The following CSMD1 variants were observed in gnomAD, a reference collection of about 807,000 sequenced individuals.
CSMD1 encodes CUB and sushi domain-containing protein 1.
Under a neutral mutation model 417.5 loss-of-function variants are expected in CSMD1, and 213 were observed. That is an observed-to-expected ratio of 0.51 (90% CI 0.46 to 0.57). The LOEUF (loss-of-function observed/expected upper bound fraction) is 0.57, where lower values mean the gene tolerates loss of function less well. CSMD1 is among the 20% of genes least tolerant of loss of function. The pLI is 0.00. For missense variants in CSMD1, 6,923 were observed against 4,529.7 expected, an observed-to-expected ratio of 1.53 and a Z score of -15.17; for synonymous variants, 2,862 against 1,736.8, an observed-to-expected ratio of 1.65 and a Z score of -16.11.
At chr8:4,097,263 A>G (rs1469063565) in intron 3 of CSMD1, among the ~76,000 whole-genome samples, 1 of 152,156 alleles carries the variant, frequency 6.6e-6, no homozygotes, top group East Asian at 1.9e-4. Context: ...AAATCAGAAA[A>G]CTAGATTACA....
intron 12 of CSMD1, among the ~76,000 whole-genome samples, chr8:3,446,002 A>G (rs908601548): frequency 2.0e-5 from 3 of 152,208 alleles, no homozygotes; most frequent in East Asian, 3.9e-4. Flanking sequence ...AATGTAATGG[A>G]AAGTCAAAAA....
chr8:4,251,893 G>C (rs905765), intron 3 of CSMD1, among the ~76,000 whole-genome samples: 27,596 of 147,122 alleles, frequency 0.19, 3,421 homozygotes, highest in East Asian at 0.51. Context: ...GGGAAGGGAG[G>C]GGAGGGGAGG....
intron 54 of CSMD1, among the ~76,000 whole-genome samples, chr8:2,991,048 T>G (rs956320839): frequency 2.0e-5 from 3 of 152,218 alleles, no homozygotes; most frequent in Non-Finnish European, 4.4e-5. Context: ...CCAATTCAGA[T>G]AAACTTGGGC....
chr8:3,671,460 TACACATATAATC>T (rs1487676565), intron 7 of CSMD1, among the ~76,000 whole-genome samples: 17 of 140,768 alleles, frequency 1.2e-4, no homozygotes, highest in African/African-American at 3.7e-4. Context: ...TATATAATCA[TACACATATAATC>T]ATATATATAC....
chr8:2,982,499 C>T (rs879293592), intron 54 of CSMD1, among the ~76,000 whole-genome samples: 16 of 152,280 alleles, frequency 1.1e-4, no homozygotes, highest in Middle Eastern at 3.4e-3. Context: ...GTACTGATCG[C>T]CTGATGAAGG....
At position 3,745,499 on chromosome 8, in the gene CSMD1, T is replaced by C. The variant is rs547350093; in HGVS notation, c.931+8431A>G. ...CTGAGGAAACCAGGTTCTGCACGTG[T>C]ACAACAGGAAACTCGCCCAGGATCT... On this transcript the variant is annotated intron_variant, in intron 6 of 69. Coordinates refer to ENST00000635120, the MANE Select transcript of CSMD1 (RefSeq NM_033225.6). Among the ~76,000 whole-genome samples the C allele has an allele frequency of 7.9e-5, 12 of 152,338 alleles. No individual in the cohort carries two copies. The East Asian group carries it at 2.3e-3, about 29-fold the overall frequency.
chr8:4,759,440 A>G (rs111838291), intron 1 of CSMD1, among the ~76,000 whole-genome samples: 86 of 152,320 alleles, frequency 5.6e-4, no homozygotes, highest in African/African-American at 2.0e-3. Flanking sequence ...GTACATGTGC[A>G]GAATGTGCAG....
At chr8:3,819,815 G>T (rs1250955348) in intron 5 of CSMD1, among the ~76,000 whole-genome samples, 5 of 152,094 alleles carry the variant, frequency 3.3e-5, no homozygotes, top group African/African-American at 1.2e-4. Context: ...AAAGTACTGA[G>T]ATTACAGGCG....
chr8:4,919,708 G>C (rs1333892090), intron 1 of CSMD1, among the ~76,000 whole-genome samples: 1 of 152,158 alleles, frequency 6.6e-6, no homozygotes, highest in African/African-American at 2.4e-5. Context: ...TAAAATCTGG[G>C]TGTTGCCAAT....
intron 2 of CSMD1, among the ~76,000 whole-genome samples, chr8:4,574,085 A>G (rs2130668076): frequency 6.6e-6 from 1 of 152,210 alleles, no homozygotes; most frequent in East Asian, 1.9e-4. Flanking sequence ...CCACTGAGCA[A>G]GACCACTTGG....
intron 12 of CSMD1, among the ~76,000 whole-genome samples, chr8:3,460,312 G>C (rs1169868467): frequency 6.6e-6 from 1 of 152,144 alleles, no homozygotes; most frequent in Non-Finnish European, 1.5e-5. Flanking sequence ...AGGAAGATTT[G>C]AAGATCAGGA....
chr8:4,357,019 A>T (rs891272220), intron 3 of CSMD1, among the ~76,000 whole-genome samples: 3 of 152,274 alleles, frequency 2.0e-5, no homozygotes, highest in African/African-American at 7.2e-5. Flanking sequence ...TTCAATTGCT[A>T]TAAAATTCTT....
At chr8:2,947,903 G>A (rs908493189) in intron 68 of CSMD1, among the ~76,000 whole-genome samples, 2 of 150,392 alleles carry the variant, frequency 1.3e-5, no homozygotes, top group African/African-American at 2.4e-5. Flanking sequence ...AATAGTGGAA[G>A]TAAAGTATTT....
At chr8:3,945,475 A>G (rs774362895) in intron 5 of CSMD1, among the ~76,000 whole-genome samples, 8 of 151,990 alleles carry the variant, frequency 5.3e-5, no homozygotes, top group Non-Finnish European at 1.2e-4. Flanking sequence ...TTTCTTAGTT[A>G]CTCTTCAACT....
rs527944638 is a variant in CSMD1, at chr8:2,952,906, C to G, written c.10039+1318G>C. ...ATCTTTCTGGGTCTTTATAATTTCA[C>G]TTGTTGCTGGCAGCCCGCAGTACAA... On this transcript the variant is annotated intron_variant, in intron 65 of 69. Transcript: ENST00000635120. 3.9e-5 allele frequency among the ~76,000 whole-genome samples: 6 copies of G among 152,272 alleles called. 1 individual carries two copies. Among genetic ancestry groups the G allele is most frequent in the African/African-American group, 1.4e-4 (6 of 41,558 alleles).
At chr8:4,179,476 T>C (rs561647898) in intron 3 of CSMD1, among the ~76,000 whole-genome samples, 1 of 151,426 alleles carries the variant, frequency 6.6e-6, no homozygotes, top group East Asian at 1.9e-4. Context: ...ATAAAAACCC[T>C]AGAAGAAAAC....
chr8:3,450,459 C>A (rs1441115991), intron 12 of CSMD1, among the ~76,000 whole-genome samples: 1 of 151,230 alleles, frequency 6.6e-6, no homozygotes, highest in Non-Finnish European at 1.5e-5. Context: ...TATCCCTCCC[C>A]CCTCCCCACA....
At chr8:4,107,075 G>C (rs1488021288) in intron 3 of CSMD1, among the ~76,000 whole-genome samples, 2 of 152,076 alleles carry the variant, frequency 1.3e-5, no homozygotes, top group Non-Finnish European at 2.9e-5. Context: ...CCATGTCAAC[G>C]ACAACATGAA....
At chr8:4,092,349 G>C (rs1325316715) in intron 3 of CSMD1, among the ~76,000 whole-genome samples, 2 of 152,130 alleles carry the variant, frequency 1.3e-5, no homozygotes, top group African/African-American at 4.8e-5. Flanking sequence ...GGAGAATCAT[G>C]ACGTGACACT....
Sources: allele counts gnomAD v4.1 joint callset (sites outside exome capture counted in the v4.1 genomes callset), GRCh38; gene constraint gnomAD v4.1.1; transcripts MANE v1.5; gene names NCBI Gene and HGNC (gene_info 2026-07-23, HGNC 2026-07-21).